Variants in SMC6 observed in about 807,000 individuals in gnomAD.
The protein encoded by SMC6 is structural maintenance of chromosomes protein 6.
SMC6 carries 79 observed loss-of-function variants against 142.2 expected under a neutral mutation model. The observed-to-expected ratio is 0.56, with a 90% confidence interval of 0.46 to 0.67. The LOEUF (loss-of-function observed/expected upper bound fraction) is 0.67. Among genes scored for constraint, SMC6 ranks in the 30% least tolerant of loss-of-function variants. The probability of loss-of-function intolerance (pLI) is 0.00; values close to 1 mark genes in which losing one functional copy is unlikely to be tolerated. For synonymous variants in SMC6, 411 were observed against 412.4 expected (o/e 1.00, Z 0.04); for missense variants, 1,072 against 1,284.0 (o/e 0.83, Z 2.52).
intron 26 of SMC6, among the ~76,000 whole-genome samples, chr2:17,669,982 T>A (rs2103467411): frequency 6.6e-6 from 1 of 152,344 alleles, no homozygotes; most frequent in Non-Finnish European, 1.5e-5. Context: ...CAAAAGTTCT[T>A]GCTCGCTTAT....
chr2:17,745,420 G>A lies in SMC6; in HGVS notation c.120+407C>T, dbSNP rs527951233. On this transcript the variant is annotated intron_variant, in intron 3 of 27. Transcript: ENST00000448223. The stretch of plus-strand genomic sequence containing the variant: ...ATCTATTTCGTACTGGGTGACTTGT[G>A]GTAATTTTTCCTTTTTGAGGATTGG... 2.0e-5 allele frequency among the ~76,000 whole-genome samples: 3 copies of A among 152,194 alleles called. No individual in the cohort carries two copies. The South Asian group carries it at 6.2e-4, about 32-fold the overall frequency.
intron 21 of SMC6, 37 bp downstream of exon 21, chr2:17,700,171 T>C (rs1668200263): frequency 6.9e-7 from 1 of 1,443,022 alleles, no homozygotes; most frequent in Non-Finnish European, 9.4e-7. Context: ...AACTAAAACA[T>C]AAAATACATA....
chr2:17,678,055 T>C (rs1667079767), intron 25 of SMC6, among the ~76,000 whole-genome samples: 1 of 152,118 alleles, frequency 6.6e-6, no homozygotes, highest in African/African-American at 2.4e-5. Flanking sequence ...TTTTAACACA[T>C]GACTATGAAA....
At chr2:17,667,806 C>T (rs573856773) in intron 26 of SMC6, among the ~76,000 whole-genome samples, 3 of 152,268 alleles carry the variant, frequency 2.0e-5, no homozygotes, top group African/African-American at 4.8e-5. Context: ...GCTGAAATCA[C>T]GCCACTGCAC....
At position 17,695,167 on chromosome 2, in the gene SMC6, C is replaced by T. The variant is rs780409484; in HGVS notation, c.2663G>A (p.Arg888Gln). Residue 888 changes from arginine to glutamine, a missense_variant, in exon 23 of 28, where the codon CGA (arginine) becomes CAA (glutamine). Coordinates refer to ENST00000448223, the MANE Select transcript of SMC6 (RefSeq NM_001142286.2). ...IQAEHASHGD[R>Q]EEIMRQYQEA... ...AGCTACTTACCTCATTATTTCCTCT[C>T]GATCTCCATGACTAGCATGTTCTGC... 3.5e-5 allele frequency: 57 copies of T among 1,613,178 alleles called. No homozygotes were observed. The highest frequency in any genetic ancestry group is 4.7e-5 in the Non-Finnish European group (55 of 1,179,752).
intron 5 of SMC6, among the ~76,000 whole-genome samples, chr2:17,735,917 G>A (rs1670129284): frequency 6.6e-6 from 1 of 152,158 alleles, no homozygotes; most frequent in East Asian, 1.9e-4. Flanking sequence ...TAGAGATGGG[G>A]GAAGGGAGGG....
intron 7 of SMC6, 147 bp from the exon 8 acceptor site, chr2:17,726,616 T>C (rs1178899172): frequency 1.2e-5 from 7 of 560,746 alleles, no homozygotes; most frequent in Admixed American, 6.8e-5. Context: ...ATAAAAATAC[T>C]AAAAAAAAGT....
At chr2:17,680,274 T>C (rs907669434) in intron 24 of SMC6, 1 of 152,222 alleles carries the variant, frequency 6.6e-6, no homozygotes, top group Middle Eastern at 3.2e-3. Context: ...TCAGAAATAC[T>C]GCAGGTTCAG....
chr2:17,716,114 A>G lies in SMC6; in HGVS notation c.1497T>C (p.His499=), dbSNP rs1669070973. 2 of 1,596,388 alleles carry G rather than the reference A, an allele frequency of 1.3e-6. No homozygotes were observed. Among genetic ancestry groups the G allele is most frequent in the Non-Finnish European group, 1.7e-6 (2 of 1,175,452 alleles). ...AAGGGCCTACAGGTTTATAGGTAAA[A>G]TGTCCTTGTCTATAAGCATCATCTA... ...EAIDDAYRQG[H]FTYKPVGPLG... The change falls in exon 15 of 28, where the codon CAT becomes CAC. Residue 499 remains histidine, a synonymous_variant. Coordinates refer to ENST00000448223, the MANE Select transcript of SMC6 (RefSeq NM_001142286.2).
chr2:17,752,381 C>A lies in SMC6; in HGVS notation c.-6+597G>T, dbSNP rs574729580. 8.5e-5 allele frequency among the ~76,000 whole-genome samples: 13 copies of A among 152,324 alleles called. No homozygotes were observed. The South Asian group carries it at 2.7e-3, about 32-fold the overall frequency. The stretch of plus-strand genomic sequence containing the variant: ...AACAAAAAAAAGTCTGTGCAACCAT[C>A]CACTTTTTTTCCTCTGAAATATTTT... On this transcript the variant is annotated intron_variant, in intron 2 of 27. Coordinates refer to ENST00000448223, the MANE Select transcript of SMC6 (RefSeq NM_001142286.2).
In SMC6 at chr2:17,753,773, G is replaced by C. The variant is rs990484790; in HGVS notation, c.-240C>G. 1.3e-5 allele frequency: 2 copies of C among 152,274 alleles called. No homozygotes were observed. The highest frequency in any genetic ancestry group is 2.4e-5 in the African/African-American group (1 of 41,468). The allele number at this position is 152,274 out of a possible 1,614,324, so 9.4% of individuals were successfully genotyped here. A position where few individuals can be genotyped will look rare whatever the true frequency, so the allele number is the denominator to read the frequency against. ...CGCGTGCCGGCCGCAGGAGAAGGTA[G>C]ATTCCCGGGAGCCCCGGCGCCCACC... On this transcript the variant is annotated 5_prime_UTR_variant, in exon 1 of 28. In the 5' UTR this introduces an upstream ATG that the reference lacks. Coordinates refer to ENST00000448223, the MANE Select transcript of SMC6 (RefSeq NM_001142286.2).
chr2:17,708,301 G>C (rs1458197536), intron 17 of SMC6, among the ~76,000 whole-genome samples: 4 of 151,976 alleles, frequency 2.6e-5, no homozygotes, highest in African/African-American at 9.6e-5. Flanking sequence ...CATTTAAGTA[G>C]AATAATACAG....
chr2:17,674,180 T>C (rs1464456745), intron 25 of SMC6, among the ~76,000 whole-genome samples: 1 of 152,166 alleles, frequency 6.6e-6, no homozygotes, highest in Non-Finnish European at 1.5e-5. Context: ...TTTTTACTAA[T>C]GTATATATTT....
intron 23 of SMC6, among the ~76,000 whole-genome samples, chr2:17,694,025 G>A (rs73218873): frequency 0.087 from 4,219 of 48,748 alleles, 309 homozygotes; most frequent in African/African-American, 0.15. Flanking sequence ...AAAAAAAAAA[G>A]AATGAAATCC....
chr2:17,678,482 A>T (rs2124823187), intron 25 of SMC6, among the ~76,000 whole-genome samples: 1 of 152,286 alleles, frequency 6.6e-6, no homozygotes, highest in Admixed American at 6.5e-5. Flanking sequence ...AAAGAAAAGC[A>T]GCAGGCTGGG....
chr2:17,677,991 T>G (rs1429706817), intron 25 of SMC6, among the ~76,000 whole-genome samples: 1 of 152,174 alleles, frequency 6.6e-6, no homozygotes, highest in Non-Finnish European at 1.5e-5. Flanking sequence ...TGGATAGTTG[T>G]TCCTGACCTC....
At chr2:17,724,102 CTGAT>C in intron 9 of SMC6, among the ~76,000 whole-genome samples, 1 of 152,058 alleles carries the variant, frequency 6.6e-6, no homozygotes, top group East Asian at 1.9e-4. Context: ...ATTTCAAGTC[CTGAT>C]TAATTATATT....
intron 25 of SMC6, among the ~76,000 whole-genome samples, chr2:17,673,724 C>T (rs990079932): frequency 6.6e-6 from 1 of 151,822 alleles, no homozygotes; most frequent in East Asian, 1.9e-4. Flanking sequence ...CATGTGCCAC[C>T]ATGCCCAGCT....
chr2:17,717,571 T>C (rs1351526898), intron 12 of SMC6, among the ~76,000 whole-genome samples: 1 of 152,176 alleles, frequency 6.6e-6, no homozygotes, highest in East Asian at 1.9e-4. Context: ...CTCAGGAGAC[T>C]GAGGCAGGAA....
Sources: gnomAD v4.1 joint callset for allele counts (sites outside exome capture counted in the v4.1 genomes callset) on GRCh38, gnomAD v4.1.1 for gene constraint, MANE v1.5 for transcripts, NCBI Gene and HGNC (gene_info 2026-07-23, HGNC 2026-07-21) for gene names.